Variants in HTR2C observed in about 807,000 individuals in gnomAD.
HTR2C encodes the protein 5-hydroxytryptamine (serotonin) receptor 2C, G protein-coupled.
Under a neutral mutation model 21.0 loss-of-function variants are expected in HTR2C, and 5 were observed. That is an observed-to-expected ratio of 0.24 (90% confidence interval 0.12 to 0.50). The LOEUF is 0.50. Ranked by LOEUF, HTR2C falls within the 20% of genes least tolerant of loss-of-function variation. HTR2C has a pLI of 0.98. For synonymous variants in HTR2C, 150 were observed against 145.3 expected, an observed-to-expected ratio of 1.03 and a Z score of -0.23; for missense variants, 271 against 371.2, an observed-to-expected ratio of 0.73 and a Z score of 2.22.
rs184245980 is a variant in HTR2C at position 114,836,756 on chromosome X, A to G, written c.350-11247A>G. ...CCTCGGTAACTTTTTAAAACATGTC[A>G]TTTTATCATTGTATGTTGTTTTATG... On this transcript the variant is annotated intron_variant, in intron 4 of 5. Transcript: ENST00000276198. 4.7e-4 allele frequency among the ~76,000 whole-genome samples: 53 copies of G among 111,831 alleles called. 2 individuals carry two copies. Among genetic ancestry groups the G allele is most frequent in the Admixed American group, 4.2e-3 (44 of 10,582 alleles).
intron 2 of HTR2C, among the ~76,000 whole-genome samples, chrX:114,717,156 C>T (rs1166539514): frequency 1.8e-5 from 2 of 110,256 alleles, no homozygotes; most frequent in African/African-American, 6.6e-5. Context: ...ACTGCAGCCT[C>T]GACCACCTGA....
chrX:114,738,232 A>T (rs2069610180), intron 4 of HTR2C, among the ~76,000 whole-genome samples: 1 of 111,386 alleles, frequency 9.0e-6, no homozygotes, highest in African/African-American at 3.3e-5. Flanking sequence ...ACAATGCTTA[A>T]TAATATTGTA....
chrX:114,851,797 A>G (rs1569499746), intron 5 of HTR2C, among the ~76,000 whole-genome samples: 1 of 111,576 alleles, frequency 9.0e-6, no homozygotes, highest in Non-Finnish European at 1.9e-5. Context: ...GCCATTTCTT[A>G]CAAGAAACCC....
chrX:114,871,673 A>G (rs782612161), intron 5 of HTR2C, among the ~76,000 whole-genome samples: 5 of 109,150 alleles, frequency 4.6e-5, no homozygotes, highest in Non-Finnish European at 7.6e-5. Context: ...TGATCTCATA[A>G]AATGAGACAA....
In HTR2C at chrX:114,790,292, G is replaced by A. The variant is rs782396893; in HGVS notation, c.350-57711G>A. ...ATGGTATTCAAGAAGTTCCACAATA[G>A]TTTAAATGTGAATATTCAGTTCTAT... On this transcript the variant is annotated intron_variant, in intron 4 of 5. Transcript: ENST00000276198. Among the ~76,000 whole-genome samples, 63 of 111,842 alleles carry A rather than the reference G, an allele frequency of 5.6e-4. No homozygotes were observed. In the South Asian group the frequency reaches 0.023, roughly 41 times the overall value.
Position 114,758,900 on chromosome X carries a change from A to T in HTR2C, c.349+27293A>T, listed in dbSNP as rs782629320. Reference sequence around the variant, plus strand: ...TATCCCCCCACTTTTGTTTTGCCTGATACAGATATTTTAACCTTAGGTGTA... The same window carrying T: ...TATCCCCCCACTTTTGTTTTGCCTGTTACAGATATTTTAACCTTAGGTGTA... On this transcript the variant is annotated intron_variant, in intron 4 of 5. Coordinates refer to ENST00000276198, the MANE Select transcript of HTR2C (RefSeq NM_000868.4). 1.9e-4 allele frequency among the ~76,000 whole-genome samples: 21 copies of T among 111,849 alleles called. No individual in the cohort carries two copies. The East Asian group carries it at 5.9e-3, about 32-fold the overall frequency.
At chrX:114,759,171 T>C (rs1420948451) in intron 4 of HTR2C, among the ~76,000 whole-genome samples, 1 of 111,948 alleles carries the variant, frequency 8.9e-6, no homozygotes, top group Non-Finnish European at 1.9e-5. Context: ...TTTATATTCC[T>C]AGGGCTTCTC....
At chrX:114,620,905 A>G (rs1367933100) in intron 2 of HTR2C, among the ~76,000 whole-genome samples, 2 of 110,057 alleles carry the variant, frequency 1.8e-5, no homozygotes, top group African/African-American at 6.6e-5. Context: ...TTGGCAGAGG[A>G]GTCTTGCTCT....
intron 5 of HTR2C, among the ~76,000 whole-genome samples, chrX:114,905,772 A>G (rs1158240994): frequency 8.9e-6 from 1 of 111,807 alleles, no homozygotes; most frequent in Non-Finnish European, 1.9e-5. Flanking sequence ...TATCTTACTT[A>G]TGCTCAGGCA....
chrX:114,631,011 CG>C (rs1473237999), intron 2 of HTR2C: 1 of 234,927 alleles, frequency 4.3e-6, no homozygotes, highest in African/African-American at 2.8e-5. Flanking sequence ...ACTAGAAAAG[CG>C]TGACTATGTC....
intron 5 of HTR2C, among the ~76,000 whole-genome samples, chrX:114,849,785 G>A (rs1412179108): frequency 2.7e-5 from 3 of 111,466 alleles, no homozygotes; most frequent in Non-Finnish European, 5.7e-5. Flanking sequence ...CCAATTTTGG[G>A]GCATAAACAA....
intron 4 of HTR2C, among the ~76,000 whole-genome samples, chrX:114,835,238 T>C (rs1339737085): frequency 2.1e-5 from 2 of 95,254 alleles, no homozygotes; most frequent in African/African-American, 7.5e-5. Context: ...ATTTCCTGAA[T>C]CTGAACGTTG....
intron 2 of HTR2C, among the ~76,000 whole-genome samples, chrX:114,686,908 AAAG>A (rs1931936736): frequency 9.0e-6 from 1 of 111,316 alleles, no homozygotes; most frequent in Admixed American, 9.6e-5. Context: ...TTCTATTTTG[AAAG>A]AAGAGTGAGA....
chrX:114,811,865 G>T (rs184881121), intron 4 of HTR2C, among the ~76,000 whole-genome samples: 2 of 111,856 alleles, frequency 1.8e-5, no homozygotes, highest in Admixed American at 1.9e-4. Flanking sequence ...GGTTCCTCAT[G>T]GTAAAATAAC....
At chrX:114,697,410 C>T (rs1932312241) in intron 2 of HTR2C, among the ~76,000 whole-genome samples, 1 of 112,313 alleles carries the variant, frequency 8.9e-6, no homozygotes, top group Non-Finnish European at 1.9e-5. Flanking sequence ...CAGACTTGTT[C>T]AAATCCAATA....
At chrX:114,847,977 C>G (rs1556468107) in intron 4 of HTR2C, 26 bp from the exon 5 acceptor site, 1 of 1,138,281 alleles carries the variant, frequency 8.8e-7, no homozygotes, top group South Asian at 1.9e-5. Flanking sequence ...ATGACGTGTT[C>G]TTGTCTTCTC....
chrX:114,797,935 G>A (rs183194671), intron 4 of HTR2C, among the ~76,000 whole-genome samples: 9 of 111,997 alleles, frequency 8.0e-5, no homozygotes, highest in Admixed American at 2.8e-4. Context: ...ATGTTCTGGC[G>A]TGCATGTGGT....
chrX:114,680,884 A>T (rs1195881652), intron 2 of HTR2C, among the ~76,000 whole-genome samples: 1 of 111,425 alleles, frequency 9.0e-6, no homozygotes, highest in Non-Finnish European at 1.9e-5. Flanking sequence ...TTTTTAAATT[A>T]TATGTCCCTT....
At chrX:114,600,831 T>C (rs1928055753) in intron 1 of HTR2C, among the ~76,000 whole-genome samples, 1 of 111,838 alleles carries the variant, frequency 8.9e-6, no homozygotes, top group Admixed American at 9.5e-5. Context: ...AAATGCAAAG[T>C]ATATGTAAGA....
Sources: allele counts gnomAD v4.1 joint callset (sites outside exome capture counted in the v4.1 genomes callset), GRCh38; gene constraint gnomAD v4.1.1; transcripts MANE v1.5; gene names NCBI Gene and HGNC (gene_info 2026-07-23, HGNC 2026-07-21).